Variants in PCDH15 observed in about 807,000 individuals in gnomAD.
PCDH15 encodes protocadherin-15.
PCDH15 carries 129 observed loss-of-function variants against 178.5 expected under a neutral mutation model. That is an observed-to-expected ratio of 0.72 (90% CI 0.63 to 0.84). PCDH15 has a LOEUF of 0.84. PCDH15 is among the 40% of genes least tolerant of loss of function. PCDH15 has a pLI of 0.00. For missense variants in PCDH15, 2,230 were observed against 2,099.9 expected, an observed-to-expected ratio of 1.06 and a Z score of -1.21; for synonymous variants, 800 against 732.0, an observed-to-expected ratio of 1.09 and a Z score of -1.50.
chr10:54,950,104 A>C (rs1488727757), intron 2 of PCDH15, among the ~76,000 whole-genome samples: 1 of 152,006 alleles, frequency 6.6e-6, no homozygotes, highest in Admixed American at 6.6e-5. Context: ...TTACTATATT[A>C]GTCCATTTTC....
intron 2 of PCDH15, among the ~76,000 whole-genome samples, chr10:55,533,997 A>C (rs1247532175): frequency 2.0e-5 from 3 of 152,120 alleles, no homozygotes; most frequent in Non-Finnish European, 2.9e-5. Context: ...CTCCCTATTC[A>C]ATAATTGCTG....
chr10:55,119,106 T>G (rs906014784), intron 2 of PCDH15, among the ~76,000 whole-genome samples: 1 of 152,116 alleles, frequency 6.6e-6, no homozygotes, highest in Non-Finnish European at 1.5e-5. Flanking sequence ...TAGGTAGAAA[T>G]TGCATGTCCT....
chr10:54,336,647 A>T (rs1941215988), intron 6 of PCDH15, among the ~76,000 whole-genome samples: 1 of 152,188 alleles, frequency 6.6e-6, no homozygotes, highest in African/African-American at 2.4e-5. Flanking sequence ...ATTTCAGAGG[A>T]TGTATGGAAA....
At position 54,551,587 on chromosome 10, in the gene PCDH15, A is replaced by G. The variant is rs540661135; in HGVS notation, c.92-23710T>C. Among the ~76,000 whole-genome samples the G allele has an allele frequency of 8.5e-5, 13 of 152,280 alleles. No individual in the cohort carries two copies. The South Asian group carries it at 2.5e-3, about 29-fold the overall frequency. On this transcript the variant is annotated intron_variant, in intron 2 of 37. Transcript: ENST00000644397. ...AAATTTGATTTTTACTTTGGTGTACAATGTCCCAACATTCTGAATAATACA... is the reference window on the plus strand; with the variant it reads ...AAATTTGATTTTTACTTTGGTGTACGATGTCCCAACATTCTGAATAATACA...
intron 2 of PCDH15, among the ~76,000 whole-genome samples, chr10:55,114,332 A>G (rs1210837132): frequency 4.6e-5 from 7 of 152,192 alleles, no homozygotes; most frequent in Non-Finnish European, 5.9e-5. Context: ...TTTTCACAGT[A>G]TCTTGCTCCT....
At chr10:54,747,556 G>A (rs114082173) in intron 1 of PCDH15, among the ~76,000 whole-genome samples, 1,995 of 152,262 alleles carry the variant, frequency 0.013, 48 homozygotes, top group African/African-American at 0.045. Context: ...GAAAATTTTA[G>A]TTAATCAAAT....
At chr10:54,055,427 G>A (rs569613705) in intron 18 of PCDH15, among the ~76,000 whole-genome samples, 25 of 152,304 alleles carry the variant, frequency 1.6e-4, no homozygotes, top group African/African-American at 4.1e-4. Context: ...ATTATACAAT[G>A]CTGAGAACAT....
intron 2 of PCDH15, among the ~76,000 whole-genome samples, chr10:54,922,883 A>T (rs1330935698): frequency 6.6e-6 from 1 of 152,090 alleles, no homozygotes; most frequent in Non-Finnish European, 1.5e-5. Context: ...GGTTTTTAGG[A>T]CAGTGGGACA....
At chr10:55,266,015 AGTTAGCT>A (rs1014149190) in intron 1 of PCDH15, among the ~76,000 whole-genome samples, 3 of 152,116 alleles carry the variant, frequency 2.0e-5, no homozygotes, top group African/African-American at 7.2e-5. Context: ...CGGCAAAAAC[AGTTAGCT>A]GTCTTCTAAA....
intron 1 of PCDH15, among the ~76,000 whole-genome samples, chr10:54,679,144 T>C (rs1363586821): frequency 1.4e-5 from 2 of 140,452 alleles, no homozygotes; most frequent in East Asian, 4.3e-4. Context: ...GAGCCGAGAT[T>C]GCGCCACCGC....
intron 2 of PCDH15, among the ~76,000 whole-genome samples, chr10:55,464,144 C>A (rs1374058303): frequency 3.3e-5 from 5 of 152,024 alleles, no homozygotes; most frequent in Non-Finnish European, 7.4e-5. Context: ...GTCGGATCAA[C>A]CAATGTTGTT....
At chr10:55,328,718 T>C (rs984225523) in intron 2 of PCDH15, among the ~76,000 whole-genome samples, 2 of 151,194 alleles carry the variant, frequency 1.3e-5, no homozygotes, top group Admixed American at 6.6e-5. Context: ...CCCTAAACAA[T>C]ACAGTACAAT....
intron 32 of PCDH15, chr10:53,820,992 A>T: frequency 1.8e-6 from 1 of 564,192 alleles, no homozygotes; most frequent in Non-Finnish European, 2.2e-6. Context: ...TTTAAAAAGG[A>T]ATCTTATGAA....
At chr10:54,837,972 C>T (rs753164014) in intron 3 of PCDH15, among the ~76,000 whole-genome samples, 1 of 152,012 alleles carries the variant, frequency 6.6e-6, no homozygotes, top group Non-Finnish European at 1.5e-5. Context: ...TGGCTCCAAC[C>T]CCTTTCAATC....
chr10:55,297,407 T>A (rs1355290074), intron 1 of PCDH15, among the ~76,000 whole-genome samples: 1 of 152,150 alleles, frequency 6.6e-6, no homozygotes, highest in Non-Finnish European at 1.5e-5. Flanking sequence ...CACAGAACCA[T>A]GTCACTGATT....
intron 1 of PCDH15, among the ~76,000 whole-genome samples, chr10:55,242,460 A>C (rs868640413): frequency 6.6e-6 from 1 of 152,182 alleles, no homozygotes; most frequent in African/African-American, 2.4e-5. Flanking sequence ...TCTACATAAG[A>C]AAATAGCCTT....
chr10:55,229,180 A>G (rs1346689272), intron 1 of PCDH15, among the ~76,000 whole-genome samples: 1 of 151,924 alleles, frequency 6.6e-6, no homozygotes, highest in Non-Finnish European at 1.5e-5. Flanking sequence ...ACATACTTTT[A>G]TAGTATGGGA....
At chr10:54,736,337 A>G (rs1390737374) in intron 1 of PCDH15, among the ~76,000 whole-genome samples, 1 of 152,088 alleles carries the variant, frequency 6.6e-6, no homozygotes, top group Non-Finnish European at 1.5e-5. Context: ...ATCCATTAGA[A>G]TTATTTTCAA....
intron 23 of PCDH15, among the ~76,000 whole-genome samples, chr10:53,956,635 T>C (rs781021648): frequency 3.9e-5 from 6 of 152,166 alleles, no homozygotes; most frequent in South Asian, 2.1e-4. Flanking sequence ...CTGGGAGTTA[T>C]GTGTGTACAG....
Sources: gnomAD v4.1 joint callset for allele counts (sites outside exome capture counted in the v4.1 genomes callset) on GRCh38, gnomAD v4.1.1 for gene constraint, MANE v1.5 for transcripts, NCBI Gene and HGNC (gene_info 2026-07-23, HGNC 2026-07-21) for gene names.